The following NARF variants were observed in gnomAD, a reference collection of about 807,000 sequenced individuals.
NARF encodes iron-only hydrogenase-like protein 2.
In NARF, 41 loss-of-function variants were observed where a neutral mutation model predicts 48.0. The ratio of observed to expected loss-of-function variants is 0.85; its 90% confidence interval spans 0.66 to 1.11. The LOEUF (loss-of-function observed/expected upper bound fraction) is 1.11, where lower values mean the gene tolerates loss of function less well. Ranked by LOEUF, NARF falls within the 50% of genes least tolerant of loss-of-function variation. The pLI is 0.00. For missense variants in NARF, 613 were observed against 590.2 expected, an observed-to-expected ratio of 1.04 and a Z score of -0.40; for synonymous variants, 215 against 225.5, an observed-to-expected ratio of 0.95 and a Z score of 0.42.
chr17:82,483,312 T>C (rs1179527179), intron 7 of NARF: 3 of 330,446 alleles, frequency 9.1e-6, no homozygotes, highest in Admixed American at 8.7e-5. Flanking sequence ...GAGGTGAGAC[T>C]CCATCTCAAA....
intron 8 of NARF, 87 bp downstream of exon 8, chr17:82,483,866 G>T: frequency 7.9e-7 from 1 of 1,271,338 alleles, no homozygotes; most frequent in Non-Finnish European, 1.1e-6. Context: ...GGGCTGCCCT[G>T]CTTTATGACG....
At chr17:82,474,353 C>T (rs1555628370) in intron 5 of NARF, among the ~76,000 whole-genome samples, 1 of 152,150 alleles carries the variant, frequency 6.6e-6, no homozygotes, top group Non-Finnish European at 1.5e-5. Context: ...TTAAACCACT[C>T]TTTAATTGGT....
intron 2 of NARF, chr17:82,464,016 C>T (rs1023841428): frequency 1.3e-5 from 5 of 370,976 alleles, no homozygotes; most frequent in Middle Eastern, 7.2e-4. Context: ...CTTCCTACCA[C>T]GTGACAGTGC....
In NARF at chr17:82,481,118, GC is replaced by G. The variant is rs756065879; in HGVS notation, c.680del (p.Pro227LeufsTer28). ...SPEKIFHVIV[A>X]PCYDKKLEAL... ...AGAGAAGATTTTCCACGTCATTGTG[GC>G]CCCTTGTTATGACAAGAAGCTGGAG... On this transcript the variant is annotated frameshift_variant, in exon 7 of 11. Coordinates refer to ENST00000309794, the MANE Select transcript of NARF (RefSeq NM_012336.4). LOFTEE classifies it high-confidence loss of function. 3.1e-6 allele frequency: 5 copies of G among 1,613,888 alleles called. No individual in the cohort carries two copies. In the African/African-American group the frequency reaches 6.7e-5, roughly 22 times the overall value.
intron 7 of NARF, among the ~76,000 whole-genome samples, 161 bp from the exon 8 acceptor site, chr17:82,483,555 A>G (rs1198938907): frequency 1.3e-5 from 2 of 152,172 alleles, no homozygotes; most frequent in Non-Finnish European, 2.9e-5. Context: ...GTTTCATTTT[A>G]TTGGCCTCAC....
intron 5 of NARF, among the ~76,000 whole-genome samples, chr17:82,475,844 T>C (rs2043820744): frequency 6.6e-6 from 1 of 152,192 alleles, no homozygotes; most frequent in Admixed American, 6.5e-5. Flanking sequence ...GTTCCTTCAG[T>C]GACTTGAGAA....
chr17:82,470,460 A>T (rs1024746409), intron 4 of NARF, among the ~76,000 whole-genome samples: 25 of 151,998 alleles, frequency 1.6e-4, no homozygotes, highest in African/African-American at 6.0e-4. Flanking sequence ...AGTAAAATGG[A>T]TTTCTTAATG....
Position 82,468,849 on chromosome 17 carries a change from G to C in NARF, c.338G>C (p.Ser113Thr), listed in dbSNP as rs1440658290. The change falls in exon 4 of 11, where the codon AGT becomes ACT. Residue 113 changes from serine (S) to threonine (T), a missense_variant. By Grantham distance (58) the Ser-to-Thr change is moderately conservative. Coordinates refer to ENST00000309794, the MANE Select transcript of NARF (RefSeq NM_012336.4). ...LPYFAAKFNL[S>T]VTDASRRLCG... ...TATTTTGCTGCTAAATTCAACCTCAGTGTAACTGATGCATCCAGAAGACTC... is the reference window on the plus strand; with the variant it reads ...TATTTTGCTGCTAAATTCAACCTCACTGTAACTGATGCATCCAGAAGACTC... 11 of 1,614,132 alleles carry C rather than the reference G, an allele frequency of 6.8e-6. No individual in the cohort carries two copies. In the East Asian group the frequency reaches 1.8e-4, roughly 26 times the overall value.
intron 7 of NARF, among the ~76,000 whole-genome samples, chr17:82,481,628 G>A (rs965730112): frequency 6.6e-6 from 1 of 152,040 alleles, no homozygotes; most frequent in African/African-American, 2.4e-5. Flanking sequence ...TGCTCGGGAG[G>A]CTGAGGCAGG....
intron 1 of NARF, 43 bp downstream of exon 1, chr17:82,458,873 C>A: frequency 1.5e-6 from 2 of 1,352,874 alleles, no homozygotes; most frequent in Non-Finnish European, 9.5e-7. Flanking sequence ...GGTGCTTGTC[C>A]TGTGGGGCTC....
intron 7 of NARF, chr17:82,481,835 G>A: frequency 2.6e-6 from 1 of 389,156 alleles, no homozygotes. Flanking sequence ...TCTCTTGGTG[G>A]GAAAGTTGTC....
Position 82,460,005 on chromosome 17 carries a change from A to C in NARF, c.41A>C (p.Lys14Thr), listed in dbSNP as rs761996941. The change falls in exon 2 of 11, where the codon AAA becomes ACA. Residue 14 changes from lysine (K) to threonine (T), a missense_variant. By Grantham distance (78) the Lys-to-Thr change is moderately conservative. Coordinates refer to ENST00000309794, the MANE Select transcript of NARF (RefSeq NM_012336.4). ...TGCTTTTTTAAGGAATGTAGTAAGA[A>C]AACAAAAACTGATGACCAAGAGAAT... ...EHCTRKECSK[K>T]TKTDDQENVS... 6.2e-7 allele frequency: 1 copy of C among 1,613,684 alleles called. No homozygotes were observed. Among genetic ancestry groups the C allele is most frequent in the Non-Finnish European group, 8.5e-7 (1 of 1,179,760 alleles).
chr17:82,469,970 G>A (rs1769512032), intron 4 of NARF, among the ~76,000 whole-genome samples: 1 of 151,570 alleles, frequency 6.6e-6, no homozygotes, highest in South Asian at 2.1e-4. Flanking sequence ...GGTGGCTCAT[G>A]CCTGTAATCC....
Position 82,458,800 on chromosome 17 carries a change from C to G in NARF, c.-4C>G, listed in dbSNP as rs760118033. 6.8e-7 allele frequency: 1 copy of G among 1,462,118 alleles called. No homozygotes were observed. The allele number at this position is 1,462,118 out of a possible 1,614,324, so 90.6% of individuals were successfully genotyped here. ...CGCCCGGCCTCCCGCCCGCCGCGCT[C>G]CAGATGAAGTGTGAGCACTGCACGC... On this transcript the variant is annotated 5_prime_UTR_variant, in exon 1 of 11. Coordinates refer to ENST00000309794, the MANE Select transcript of NARF (RefSeq NM_012336.4).
intron 4 of NARF, 57 bp from the exon 5 acceptor site, chr17:82,472,507 C>T: frequency 1.3e-6 from 2 of 1,511,234 alleles, no homozygotes; most frequent in Non-Finnish European, 1.8e-6. Context: ...AAGAGGAAGC[C>T]TAAAAGTAGA....
At chr17:82,485,034 G>A in intron 9 of NARF, 84 bp downstream of exon 9, 1 of 1,445,440 alleles carries the variant, frequency 6.9e-7, no homozygotes, top group Non-Finnish European at 9.2e-7. Context: ...GCATGTGGCG[G>A]TTCTATGGAT....
At chr17:82,468,621 A>G (rs935367650) in intron 3 of NARF, 143 bp from the exon 4 acceptor site, 1 of 770,024 alleles carries the variant, frequency 1.3e-6, no homozygotes, top group African/African-American at 1.8e-5. Flanking sequence ...CTTTTTCTTA[A>G]TTATGTTTGC....
At position 82,484,932 on chromosome 17, in the gene NARF, T is replaced by C; in HGVS notation, c.953T>C (p.Val318Ala). Residue 318 changes from valine (V) to alanine (A), a missense_variant, in exon 9 of 11, where the codon GTC becomes GCC. Physicochemically the swap from Val to Ala is moderately conservative, Grantham distance 64. Transcript: ENST00000309794. ...KELFNEDVEE[V>A]TYRALRNKDF... is the part of the protein sequence containing the mutation. ...CTGTTCAACGAGGATGTGGAGGAGG[T>C]CACTTACCGAGCCCTGAGGTGTGGG... is the stretch of plus-strand genomic sequence containing the variant. The C allele has an allele frequency of 6.2e-7, 1 of 1,610,394 alleles. No individual in the cohort carries two copies.
chr17:82,480,513 G>T (rs2043938279), intron 6 of NARF: 1 of 402,854 alleles, frequency 2.5e-6, no homozygotes, highest in Non-Finnish European at 4.4e-6. Flanking sequence ...GAGGGAGGCA[G>T]CAGACAGACA....
Sources: gnomAD v4.1 joint callset for allele counts (sites outside exome capture counted in the v4.1 genomes callset) on GRCh38, gnomAD v4.1.1 for gene constraint, MANE v1.5 for transcripts, NCBI Gene and HGNC (gene_info 2026-07-23, HGNC 2026-07-21) for gene names.